The following FHIT variants were observed in gnomAD, a reference collection of about 807,000 sequenced individuals.
FHIT encodes bis(5'-adenosyl)-triphosphatase.
In FHIT, 19 loss-of-function variants were observed where a neutral mutation model predicts 17.9. The observed-to-expected ratio is 1.06, with a 90% CI of 0.74 to 1.56. The LOEUF (loss-of-function observed/expected upper bound fraction) is 1.56. FHIT is among the 40% of genes most tolerant of loss of function. The pLI is 0.00. For missense variants in FHIT, 248 were observed against 189.2 expected (o/e 1.31, Z -1.82); for synonymous variants, 81 against 69.7 (o/e 1.16, Z -0.81).
At chr3:59,850,544 G>A (rs1701893357) in intron 8 of FHIT, among the ~76,000 whole-genome samples, 1 of 152,178 alleles carries the variant, frequency 6.6e-6, no homozygotes, top group African/African-American at 2.4e-5. Flanking sequence ...ATCACACACA[G>A]AAGAGAAGCT....
rs1275472582 is a variant in FHIT at position 60,970,902 on chromosome 3, C to A, written c.-111+71145G>T. Among the ~76,000 whole-genome samples the A allele has an allele frequency of 5.3e-5, 8 of 152,134 alleles. No homozygotes were observed. The East Asian group carries it at 1.3e-3, about 26-fold the overall frequency. ...TGCTTTAGCAATCATTAGCTCATGA[C>A]CAATCTTGTTCCATCTCTATCCCCA... On this transcript the variant is annotated intron_variant, in intron 3 of 9. Coordinates refer to ENST00000492590, the MANE Select transcript of FHIT (RefSeq NM_002012.4).
intron 2 of FHIT, among the ~76,000 whole-genome samples, chr3:61,093,429 C>A (rs972793299): frequency 2.0e-5 from 3 of 152,138 alleles, no homozygotes; most frequent in African/African-American, 7.2e-5. Context: ...ATGCTGCTTA[C>A]AGGGAAGCTC....
chr3:59,785,903 T>C (rs540829582), intron 8 of FHIT, among the ~76,000 whole-genome samples: 2 of 152,138 alleles, frequency 1.3e-5, no homozygotes, highest in Non-Finnish European at 1.5e-5. Context: ...CCGCCAAAAT[T>C]TGAGTCAGTG....
In FHIT at chr3:60,387,735, C is replaced by A. The variant is rs571838991; in HGVS notation, c.103+149125G>T. On this transcript the variant is annotated intron_variant, in intron 5 of 9. Transcript: ENST00000492590. ...TGAAGCGACTATACCCTCAAACACA[C>A]CATACTTATCTTCCACAATCACATC... Among the ~76,000 whole-genome samples, 10 of 152,238 alleles carry A rather than the reference C, an allele frequency of 6.6e-5. No homozygotes were observed. In the East Asian group the frequency reaches 1.9e-3, roughly 29 times the overall value.
At chr3:61,234,010 T>TTA (rs1239561877) in intron 1 of FHIT, among the ~76,000 whole-genome samples, 1 of 152,230 alleles carries the variant, frequency 6.6e-6, no homozygotes, top group Non-Finnish European at 1.5e-5. Flanking sequence ...GCTGACATAG[T>TTA]AACCTATTAA....
intron 8 of FHIT, among the ~76,000 whole-genome samples, chr3:59,900,039 G>A (rs1258501271): frequency 3.9e-5 from 6 of 152,188 alleles, no homozygotes; most frequent in Non-Finnish European, 8.8e-5. Context: ...CACAGGTATC[G>A]TTTGCCCACA....
chr3:60,547,828 C>A lies in FHIT; in HGVS notation c.-17-10849G>T, dbSNP rs76708576. Among the ~76,000 whole-genome samples, 273 of 152,220 alleles carry A rather than the reference C, an allele frequency of 1.8e-3. 2 individuals are homozygous for A. The highest frequency in any genetic ancestry group is 6.1e-3 in the African/African-American group (253 of 41,532). On this transcript the variant is annotated intron_variant, in intron 4 of 9. Coordinates refer to ENST00000492590, the MANE Select transcript of FHIT (RefSeq NM_002012.4). ...TTTTTGACAGGGCTAGATAGGCAAC[C>A]TAACTTGTAGTAGAGTAAGGTTCAG...
intron 8 of FHIT, among the ~76,000 whole-genome samples, chr3:59,786,274 C>A (rs1367027470): frequency 1.3e-5 from 2 of 152,174 alleles, no homozygotes; most frequent in Non-Finnish European, 2.9e-5. Flanking sequence ...ATCTCCCTCA[C>A]CACTTAAAGT....
chr3:59,846,602 G>A (rs1424825249), intron 8 of FHIT, among the ~76,000 whole-genome samples: 3 of 151,954 alleles, frequency 2.0e-5, no homozygotes, highest in Non-Finnish European at 4.4e-5. Flanking sequence ...AACAAAAAGT[G>A]GAATTACATA....
chr3:60,299,877 G>A (rs1165229160), intron 5 of FHIT, among the ~76,000 whole-genome samples: 1 of 152,066 alleles, frequency 6.6e-6, no homozygotes, highest in Non-Finnish European at 1.5e-5. Flanking sequence ...TGTATGTGTG[G>A]TGTTTAGCTG....
intron 1 of FHIT, among the ~76,000 whole-genome samples, chr3:61,226,047 T>C (rs1225990315): frequency 3.9e-5 from 6 of 152,208 alleles, no homozygotes; most frequent in Non-Finnish European, 7.3e-5. Context: ...TGATTTTCCA[T>C]AGCACATTTC....
chr3:60,662,406 T>C (rs1391867352), intron 4 of FHIT, among the ~76,000 whole-genome samples: 1 of 152,218 alleles, frequency 6.6e-6, no homozygotes, highest in Non-Finnish European at 1.5e-5. Context: ...TCCGTGCCTA[T>C]GTTTATACCA....
intron 4 of FHIT, among the ~76,000 whole-genome samples, chr3:60,740,297 T>C (rs1553713615): frequency 6.6e-6 from 1 of 152,210 alleles, no homozygotes; most frequent in Admixed American, 6.5e-5. Context: ...ATCTAGATTC[T>C]GCCATTTGCT....
intron 4 of FHIT, among the ~76,000 whole-genome samples, chr3:60,761,497 C>T (rs1281620512): frequency 1.6e-4 from 25 of 151,870 alleles, no homozygotes; most frequent in African/African-American, 5.6e-4. Context: ...AAATGACTTT[C>T]GAAATATTTA....
chr3:61,024,578 G>C (rs965961285), intron 3 of FHIT, among the ~76,000 whole-genome samples: 6 of 152,040 alleles, frequency 3.9e-5, no homozygotes, highest in African/African-American at 1.4e-4. Context: ...TATGAGCAAA[G>C]TACAGGCAAA....
intron 3 of FHIT, among the ~76,000 whole-genome samples, chr3:60,842,624 TGAGTGTATATA>T (rs1559764078): frequency 2.0e-5 from 2 of 98,682 alleles, no homozygotes; most frequent in African/African-American, 8.8e-5. Context: ...CATATATATA[TGAGTGTATATA>T]TATATATATA....
At chr3:60,405,208 C>A (rs1701807723) in intron 5 of FHIT, among the ~76,000 whole-genome samples, 2 of 152,216 alleles carry the variant, frequency 1.3e-5, no homozygotes, top group Non-Finnish European at 2.9e-5. Flanking sequence ...ATTTGGCACA[C>A]TTTCCTCTGA....
intron 4 of FHIT, among the ~76,000 whole-genome samples, chr3:60,749,730 A>G (rs1409696524): frequency 6.6e-6 from 1 of 152,218 alleles, no homozygotes; most frequent in East Asian, 1.9e-4. Flanking sequence ...CCAGAAAGTG[A>G]TCAGTGCAGG....
chr3:60,614,365 C>T (rs184281578), intron 4 of FHIT, among the ~76,000 whole-genome samples: 6 of 152,266 alleles, frequency 3.9e-5, no homozygotes, highest in Admixed American at 1.3e-4. Flanking sequence ...AATCCCAGCA[C>T]TTTGGAGGTG....
Sources: gnomAD v4.1 joint callset for allele counts (sites outside exome capture counted in the v4.1 genomes callset) on GRCh38, gnomAD v4.1.1 for gene constraint, MANE v1.5 for transcripts, NCBI Gene and HGNC (gene_info 2026-07-23, HGNC 2026-07-21) for gene names.